Variants in CCT4 observed in about 807,000 individuals in gnomAD.
CCT4 encodes T-complex protein 1 subunit delta.
CCT4 carries 17 observed loss-of-function variants against 62.5 expected under a neutral mutation model. That is an observed-to-expected ratio of 0.27 (90% CI 0.19 to 0.41). The LOEUF (loss-of-function observed/expected upper bound fraction) is 0.41, where lower values mean the gene tolerates loss of function less well. Ranked by LOEUF, CCT4 falls within the 10% of genes least tolerant of loss-of-function variation. The probability of loss-of-function intolerance (pLI) is 1.00; values close to 1 mark genes in which losing one functional copy is unlikely to be tolerated. For missense variants in CCT4, 592 were observed against 659.2 expected (o/e 0.90, Z 1.12); for synonymous variants, 250 against 229.9 (o/e 1.09, Z -0.79).
chr2:61,873,399 T>C (rs1668926513), intron 8 of CCT4, 106 bp from the exon 9 acceptor site: 1 of 608,730 alleles, frequency 1.6e-6, no homozygotes, highest in Non-Finnish European at 2.9e-6. Context: ...CAATCATTAT[T>C]TCTGAAGAAA....
chr2:61,871,916 T>A (rs1312876229), intron 12 of CCT4, among the ~76,000 whole-genome samples, 166 bp downstream of exon 12: 1 of 152,208 alleles, frequency 6.6e-6, no homozygotes, highest in African/African-American at 2.4e-5. Flanking sequence ...GGTGTCACCA[T>A]CTTCCTTCTC....
At chr2:61,874,390 G>T (rs557218388) in intron 8 of CCT4, among the ~76,000 whole-genome samples, 12 of 151,414 alleles carry the variant, frequency 7.9e-5, no homozygotes, top group Admixed American at 7.2e-4. Context: ...GAGGCCAAGG[G>T]GGGGCAGACC....
intron 8 of CCT4, among the ~76,000 whole-genome samples, chr2:61,875,595 A>T (rs1177316565): frequency 6.6e-6 from 1 of 151,770 alleles, no homozygotes; most frequent in African/African-American, 2.4e-5. Flanking sequence ...AAAAAAAAAA[A>T]AAAAAATTAA....
Position 61,888,468 on chromosome 2 carries a change from C to T in CCT4, c.40G>A (p.Gly14Arg), listed in dbSNP as rs774931467. ...NVAPRSGATA[G>R]AAGGRGKGAY... ...CCTTTCCCGCGGCCGCCGGCAGCCC[C>T]GGCAGTCGCCCCGCTCCGGGGTGCC... The change falls in exon 1 of 14, where the codon GGG becomes AGG. Residue 14 changes from glycine to arginine, a missense_variant. By Grantham distance (125) the Gly-to-Arg change is moderately radical. This residue lies in a region of CCT4 where 67 missense variants were observed against 71.1 expected (regional missense o/e 0.94). Coordinates refer to ENST00000394440, the MANE Select transcript of CCT4 (RefSeq NM_006430.4). 3.1e-6 allele frequency: 5 copies of T among 1,611,998 alleles called. No homozygotes were observed. Among genetic ancestry groups the T allele is most frequent in the Non-Finnish European group, 3.4e-6 (4 of 1,179,256 alleles).
intron 5 of CCT4, among the ~76,000 whole-genome samples, chr2:61,878,523 T>G (rs1669046953): frequency 6.6e-6 from 1 of 152,224 alleles, no homozygotes; most frequent in South Asian, 2.1e-4. Context: ...TATTAAATAT[T>G]CAATAAAAAT....
intron 12 of CCT4, 101 bp downstream of exon 12, chr2:61,871,981 T>G: frequency 1.3e-6 from 1 of 790,014 alleles, no homozygotes; most frequent in Non-Finnish European, 2.0e-6. Context: ...AAATCCAAGA[T>G]TATGCTTTTC....
At chr2:61,884,745 C>T (rs879693538) in intron 2 of CCT4, among the ~76,000 whole-genome samples, 9 of 152,140 alleles carry the variant, frequency 5.9e-5, no homozygotes, top group Non-Finnish European at 1.3e-4. Flanking sequence ...TCTCCTGCCA[C>T]AGCCTCTCCA....
rs79032908 is a variant in CCT4, at chr2:61,882,811, T to C, written c.270+648A>G. Among the ~76,000 whole-genome samples, 7 of 54,744 alleles carry C rather than the reference T, an allele frequency of 1.3e-4. No individual in the cohort carries two copies. The East Asian group carries it at 2.1e-3, about 16-fold the overall frequency. 35.9% of individuals were successfully genotyped at this position (54,744 alleles called of 152,430 possible). ...CAGGTGTGAGCCACTGTGCCCAGCTTTTTTTTTTTTTTCTGGGGTTTCACT... is the reference window on the plus strand; with the variant it reads ...CAGGTGTGAGCCACTGTGCCCAGCTCTTTTTTTTTTTTCTGGGGTTTCACT... On this transcript the variant is annotated intron_variant, in intron 3 of 13. Transcript: ENST00000394440.
intron 2 of CCT4, 146 bp from the exon 3 acceptor site, chr2:61,883,694 A>G: frequency 1.7e-6 from 1 of 582,038 alleles, no homozygotes; most frequent in East Asian, 3.1e-5. Context: ...TAATAGTTTA[A>G]GAATACGCAA....
chr2:61,885,080 TGG>T lies in CCT4; in HGVS notation c.128-10_128-9del, dbSNP rs199849903. On this transcript the variant is annotated splice_polypyrimidine_tract_variant and intron_variant, in intron 1 of 13. Coordinates refer to ENST00000394440, the MANE Select transcript of CCT4 (RefSeq NM_006430.4). ...TAATAGCATCAGCAACCGCTGCAGATGGGGGGGAAAAAAAAGAAAACAAATTA... is the reference window on the plus strand; with the variant it reads ...TAATAGCATCAGCAACCGCTGCAGATGGGGGAAAAAAAAGAAAACAAATTA... The T allele has an allele frequency of 1.9e-4, 276 of 1,416,132 alleles. No individual in the cohort carries two copies. The highest frequency in any genetic ancestry group is 2.7e-4 in the South Asian group (20 of 74,706). The allele number at this position is 1,416,132 out of a possible 1,614,324, so 87.7% of individuals were successfully genotyped here. A position where few individuals can be genotyped will look rare whatever the true frequency, so the allele number is the denominator to read the frequency against.
chr2:61,887,722 G>T (rs777192014), intron 1 of CCT4, among the ~76,000 whole-genome samples: 3 of 152,232 alleles, frequency 2.0e-5, no homozygotes, highest in Non-Finnish European at 2.9e-5. Flanking sequence ...AGCAGAGAAT[G>T]AAACTCTGGT....
intron 10 of CCT4, among the ~76,000 whole-genome samples, 172 bp downstream of exon 10, chr2:61,872,830 G>A (rs745320118): frequency 3.7e-4 from 57 of 152,316 alleles, no homozygotes; most frequent in Middle Eastern, 3.4e-3. Context: ...GGGAGGCTGA[G>A]GCAGGAGAAT....
At chr2:61,874,540 G>C (rs1668956274) in intron 8 of CCT4, among the ~76,000 whole-genome samples, 1 of 151,868 alleles carries the variant, frequency 6.6e-6, no homozygotes, top group South Asian at 2.1e-4. Flanking sequence ...GAACCTGGGA[G>C]GCAGAGGTTG....
At chr2:61,871,805 C>T (rs1668889947) in intron 12 of CCT4, among the ~76,000 whole-genome samples, 1 of 152,102 alleles carries the variant, frequency 6.6e-6, no homozygotes, top group South Asian at 2.1e-4. Flanking sequence ...ATTAATCATC[C>T]CTGTTTTTAC....
intron 5 of CCT4, among the ~76,000 whole-genome samples, chr2:61,878,061 C>T (rs1669038141): frequency 6.6e-6 from 1 of 152,178 alleles, no homozygotes; most frequent in Admixed American, 6.5e-5. Flanking sequence ...GCAGTCTAGA[C>T]TCAATGCCTA....
chr2:61,880,302 G>C lies in CCT4; in HGVS notation c.363C>G (p.Thr121=). The change falls in exon 4 of 14, where the codon ACC becomes ACG. Residue 121 remains threonine, a synonymous_variant. Coordinates refer to ENST00000394440, the MANE Select transcript of CCT4 (RefSeq NM_006430.4). ...CCTACCCACCTTTCTGAAGAAGCTT[G>C]GTACAAGAATCTAAGAGGGAGCCAG... ...IIAGSLLDSC[T]KLLQKGIHPT... The C allele has an allele frequency of 6.4e-7, 1 of 1,573,296 alleles. No individual in the cohort carries two copies. The highest frequency in any genetic ancestry group is 1.4e-5 in the African/African-American group (1 of 73,224).
At chr2:61,872,704 G>A (rs1158220931) in intron 10 of CCT4, 116 bp from the exon 11 acceptor site, 4 of 987,010 alleles carry the variant, frequency 4.1e-6, no homozygotes, top group Non-Finnish European at 4.5e-6. Context: ...GAGGCGGGTG[G>A]CTAACGAGGT....
chr2:61,868,438 T>C lies in CCT4; in HGVS notation c.*254A>G. The C allele has an allele frequency of 2.2e-6, 1 of 448,378 alleles. No individual in the cohort carries two copies. The highest frequency in any genetic ancestry group is 4.0e-6 in the Non-Finnish European group (1 of 250,174). The allele number at this position is 448,378 out of a possible 1,614,324, so 27.8% of individuals were successfully genotyped here. A position where few individuals can be genotyped will look rare whatever the true frequency, so the allele number is the denominator to read the frequency against. ...ATGTAAACTCACTTTTTACGCTTCT[T>C]TTATTAGTTTTTATTAGTTTTTCAA... is the stretch of plus-strand genomic sequence containing the variant. On this transcript the variant is annotated 3_prime_UTR_variant, in exon 14 of 14. Transcript: ENST00000394440.
Position 61,888,161 on chromosome 2 carries a change from T to A in CCT4, c.127+220A>T, listed in dbSNP as rs557502798. 3.4e-4 allele frequency: 187 copies of A among 552,240 alleles called. 1 individual carries two copies. The South Asian group carries it at 4.5e-3, about 13-fold the overall frequency. The allele number at this position is 552,240 out of a possible 1,614,324, so 34.2% of individuals were successfully genotyped here. On this transcript the variant is annotated intron_variant, in intron 1 of 13. Coordinates refer to ENST00000394440, the MANE Select transcript of CCT4 (RefSeq NM_006430.4). ...TGCAGGATGAAAAACTAAGGGAGATTAAGATGCAAAATGGGGCAAGTCCAA... is the reference window on the plus strand; with the variant it reads ...TGCAGGATGAAAAACTAAGGGAGATAAAGATGCAAAATGGGGCAAGTCCAA...
Sources: gnomAD v4.1 joint callset for allele counts (sites outside exome capture counted in the v4.1 genomes callset) on GRCh38, gnomAD v4.1.1 for gene constraint, gnomAD v4.1.1 regional missense constraint, MANE v1.5 for transcripts, NCBI Gene and HGNC (gene_info 2026-07-23, HGNC 2026-07-21) for gene names.